Variants in PIGO observed in about 807,000 individuals in gnomAD.
PIGO encodes GPI ethanolamine phosphate transferase 3, catalytic subunit.
PIGO carries 66 observed loss-of-function variants against 86.9 expected under a neutral mutation model. The ratio of observed to expected loss-of-function variants is 0.76; its 90% CI spans 0.62 to 0.93. The LOEUF is 0.93. PIGO is among the 40% of genes least tolerant of loss of function. The pLI is 0.00. For synonymous variants in PIGO, 570 were observed against 556.4 expected (o/e 1.02, Z -0.34); for missense variants, 1,202 against 1,359.1 (o/e 0.88, Z 1.82).
intron 7 of PIGO, 200 bp from the exon 8 acceptor site, chr9:35,090,872 A>G (rs1587160634): frequency 1.6e-6 from 1 of 611,312 alleles, no homozygotes; most frequent in Non-Finnish European, 2.8e-6. Flanking sequence ...GCTTATCTGA[A>G]TCCTGCTATG....
chr9:35,090,552 C>T lies in PIGO; in HGVS notation c.2768G>A (p.Gly923Glu). Residue 923 changes from glycine (G) to glutamate (E), a missense_variant, in exon 8 of 11, where the codon GGA becomes GAA. Transcript: ENST00000378617. ...ACAGGAGCCATGACCCTCTGGGAAT[C>T]CCACGAAGGCTGCATGCCAATGGAT... ...PAIHWHAAFV[G>E]FPEGHGSCTW... The T allele has an allele frequency of 6.2e-7, 1 of 1,614,226 alleles. No individual in the cohort carries two copies. The highest frequency in any genetic ancestry group is 8.5e-7 in the Non-Finnish European group (1 of 1,180,042).
At position 35,092,339 on chromosome 9, in the gene PIGO, C is replaced by T; in HGVS notation, c.1548G>A (p.Val516=). ...LKLDLVLLGA[V]AAVSSFLPFL... Reference sequence around the variant, plus strand: ...AAGGGAGGAATGAGCTCACTGCAGCCACAGCCCCTAGAAGCACTAGATCTA... The same window carrying T: ...AAGGGAGGAATGAGCTCACTGCAGCTACAGCCCCTAGAAGCACTAGATCTA... The change falls in exon 7 of 11, where the codon GTG becomes GTA. Residue 516 remains valine (V), a synonymous_variant. Coordinates refer to ENST00000378617, the MANE Select transcript of PIGO (RefSeq NM_032634.4). 6.2e-7 allele frequency: 1 copy of T among 1,614,228 alleles called. No individual in the cohort carries two copies. Among genetic ancestry groups the T allele is most frequent in the Non-Finnish European group, 8.5e-7 (1 of 1,180,038 alleles).
Position 35,092,531 on chromosome 9 carries a change from C to G in PIGO, c.1356G>C (p.Ala452=), listed in dbSNP as rs759532728. 1.2e-5 allele frequency: 19 copies of G among 1,614,084 alleles called. No individual in the cohort carries two copies. The highest frequency in any genetic ancestry group is 1.7e-5 in the Admixed American group (1 of 60,014). The part of the protein sequence containing the change: ...SWARFSLVRM[A]GGTALLAASC... ...AAGCAGCCAAGAGAGCAGTACCCCC[C>G]GCCATGCGGACCAGAGAGAAACGAG... The change falls in exon 7 of 11, where the codon GCG becomes GCC. Residue 452 remains alanine (A), a synonymous_variant. Transcript: ENST00000378617.
At position 35,096,470 on chromosome 9, in the gene PIGO, T is replaced by C. The variant is rs1379377582; in HGVS notation, c.-317A>G. The C allele has an allele frequency of 6.6e-6, 1 of 152,248 alleles. No individual in the cohort carries two copies. Among genetic ancestry groups the C allele is most frequent in the African/African-American group, 2.4e-5 (1 of 41,436 alleles). The allele number at this position is 152,248 out of a possible 1,614,324, so 9.4% of individuals were successfully genotyped here. A position where few individuals can be genotyped will look rare whatever the true frequency, so the allele number is the denominator to read the frequency against. ...CACCCTAGCCGCGGTACTGAGCACC[T>C]TGGTTAGGAGCTGAGGGGAAGAGGG... is the stretch of plus-strand genomic sequence containing the variant. On this transcript the variant is annotated 5_prime_UTR_variant, in exon 1 of 11. Transcript: ENST00000378617.
chr9:35,092,289 C>A lies in PIGO; in HGVS notation c.1598G>T (p.Trp533Leu). The A allele has an allele frequency of 6.2e-7, 1 of 1,614,230 alleles. No individual in the cohort carries two copies. Among genetic ancestry groups the A allele is most frequent in the Admixed American group, 1.7e-5 (1 of 60,032 alleles). ...LPFLWKAWAG[W>L]GSKRPLATLF... is the part of the protein sequence containing the mutation. ...GGTTGCCAGGGGCCTCTTGGACCCC[C>A]AGCCAGCCCAGGCTTTCCACAGAAA... Residue 533 changes from tryptophan (W) to leucine (L), a missense_variant, in exon 7 of 11, where the codon TGG becomes TTG. Transcript: ENST00000378617.
In PIGO at chr9:35,096,448, C is replaced by T. The variant is rs1289018330; in HGVS notation, c.-295G>A. Reference sequence around the variant, plus strand: ...AACTACCCAGCCTCCCGCTGGGCACCCTAGCCGCGGTACTGAGCACCTTGG... The same window carrying T: ...AACTACCCAGCCTCCCGCTGGGCACTCTAGCCGCGGTACTGAGCACCTTGG... On this transcript the variant is annotated 5_prime_UTR_variant, in exon 1 of 11. Transcript: ENST00000378617. 1 of 152,332 alleles carries T rather than the reference C, an allele frequency of 6.6e-6. No individual in the cohort carries two copies. Among genetic ancestry groups the T allele is most frequent in the Non-Finnish European group, 1.5e-5 (1 of 68,126 alleles). The allele number at this position is 152,332 out of a possible 1,614,324, so 9.4% of individuals were successfully genotyped here.
At position 35,092,595 on chromosome 9, in the gene PIGO, A is replaced by G; in HGVS notation, c.1292T>C (p.Phe431Ser). Reference sequence around the variant, plus strand: ...GCACATGGCCCGAGCTCCCCGCAGGAACTGCTGCAGCTCAGCAATCACAGT... The same window carrying G: ...GCACATGGCCCGAGCTCCCCGCAGGGACTGCTGCAGCTCAGCAATCACAGT... Reference protein sequence around the residue: ...LPTVIAELQQFLRGARAMCIE... With the variant: ...LPTVIAELQQSLRGARAMCIE... The change falls in exon 7 of 11, where the codon TTC (phenylalanine) becomes TCC (serine). Residue 431 changes from phenylalanine to serine, a missense_variant. By Grantham distance (155) the Phe-to-Ser change is radical. Transcript: ENST00000378617. 1 of 1,614,258 alleles carries G rather than the reference A, an allele frequency of 6.2e-7. No individual in the cohort carries two copies. Among genetic ancestry groups the G allele is most frequent in the South Asian group, 1.1e-5 (1 of 91,090 alleles).
chr9:35,093,129 G>C lies in PIGO; in HGVS notation c.1020C>G (p.Ile340Met). The C allele has an allele frequency of 6.2e-7, 1 of 1,614,202 alleles. No homozygotes were observed. Among genetic ancestry groups the C allele is most frequent in the Non-Finnish European group, 8.5e-7 (1 of 1,180,024 alleles). The change falls in exon 6 of 11, where the codon ATC becomes ATG. Residue 340 changes from isoleucine (I) to methionine (M), a missense_variant. Transcript: ENST00000378617. ...LLGLPIPFGN[I>M]GEVMAELFSG... Reference sequence around the variant, plus strand: ...AGAATAGCTCAGCCATCACTTCCCCGATATTCCCAAATGGGATGGGCAGGC... The same window carrying C: ...AGAATAGCTCAGCCATCACTTCCCCCATATTCCCAAATGGGATGGGCAGGC...
chr9:35,090,853 C>T (rs181017555), intron 7 of PIGO, 181 bp from the exon 8 acceptor site: 12 of 655,410 alleles, frequency 1.8e-5, no homozygotes, highest in South Asian at 8.2e-5. Flanking sequence ...GGTACAAAAG[C>T]GCCATCAGGC....
chr9:35,092,406 G>A lies in PIGO; in HGVS notation c.1481C>T (p.Ala494Val), dbSNP rs1379371864. The A allele has an allele frequency of 1.2e-6, 2 of 1,614,250 alleles. No homozygotes were observed. The highest frequency in any genetic ancestry group is 1.3e-5 in the African/African-American group (1 of 75,068). ...LTPVAWGLVG[A>V]IAYAGLLGTI... ...TCCCAGGAGTCCAGCATACGCTATG[G>A]CCCCAACCAGGCCCCAGGCCACAGG... Residue 494 changes from alanine to valine, a missense_variant, in exon 7 of 11, where the codon GCC (alanine) becomes GTC (valine). Transcript: ENST00000378617.
At position 35,091,496 on chromosome 9, in the gene PIGO, G is replaced by A. The variant is rs1334474210; in HGVS notation, c.2391C>T (p.Val797=). 6.2e-7 allele frequency: 1 copy of A among 1,614,068 alleles called. No individual in the cohort carries two copies. Among genetic ancestry groups the A allele is most frequent in the Non-Finnish European group, 8.5e-7 (1 of 1,180,040 alleles). ...PTSQADLDYV[V]PQIYRHMQEE... ...CCTGCATGTGTCGGTAGATTTGAGGGACCACATAATCCAAGTCAGCTTGAG... is the reference window on the plus strand; with the variant it reads ...CCTGCATGTGTCGGTAGATTTGAGGAACCACATAATCCAAGTCAGCTTGAG... The change falls in exon 7 of 11, where the codon GTC becomes GTT. Residue 797 remains valine, a synonymous_variant. Transcript: ENST00000378617.
At position 35,090,641 on chromosome 9, in the gene PIGO, C is replaced by G. The variant is rs376154801; in HGVS notation, c.2679G>C (p.Ser893=). ...GPFTVPWQAV[S]AWALMATQTF... ...TCTGTGTGGCCATGAGGGCCCAAGC[C>G]GAGACTGCCTGCCATGGCACAGTAA... The change falls in exon 8 of 11, where the codon TCG becomes TCC. Residue 893 remains serine (S), a synonymous_variant. Transcript: ENST00000378617. 8 of 1,613,992 alleles carry G rather than the reference C, an allele frequency of 5.0e-6. 1 individual carries two copies. The highest frequency in any genetic ancestry group is 1.6e-4 in the Middle Eastern group (1 of 6,084).
rs771354621 is a variant in PIGO at position 35,089,095 on chromosome 9, C to T, written c.3267G>A (p.Arg1089=). 17 of 1,614,168 alleles carry T rather than the reference C, an allele frequency of 1.1e-5. No individual in the cohort carries two copies. Among genetic ancestry groups the T allele is most frequent in the Non-Finnish European group, 1.4e-5 (17 of 1,180,028 alleles). ...WFRQLFLAQQ[R] Reference sequence around the variant, plus strand: ...GTGCCAGTAATCACAGACTAGGCTACCTCTGCTGGGCCAGAAATAGCTGCC... The same window carrying T: ...GTGCCAGTAATCACAGACTAGGCTATCTCTGCTGGGCCAGAAATAGCTGCC... Residue 1089 remains arginine (R), a synonymous_variant, in exon 11 of 11, where the codon AGG becomes AGA. Coordinates refer to ENST00000378617, the MANE Select transcript of PIGO (RefSeq NM_032634.4).
intron 3 of PIGO, 22 bp from the exon 4 acceptor site, chr9:35,094,046 G>A: frequency 6.2e-7 from 1 of 1,609,588 alleles, no homozygotes; most frequent in Non-Finnish European, 8.5e-7. Context: ...AGAACACTGA[G>A]CACAGAAGAC....
At chr9:35,089,512 AG>A in intron 9 of PIGO, 62 bp from the exon 10 acceptor site, 1 of 1,609,642 alleles carries the variant, frequency 6.2e-7, no homozygotes, top group Non-Finnish European at 8.5e-7. Flanking sequence ...GAGCAAAAGG[AG>A]AGTTTCTATA....
In PIGO at chr9:35,089,230, A is replaced by G. The variant is rs374227554; in HGVS notation, c.3141-9T>C. The G allele has an allele frequency of 1.2e-6, 2 of 1,614,104 alleles. No individual in the cohort carries two copies. Among genetic ancestry groups the G allele is most frequent in the Admixed American group, 1.7e-5 (1 of 60,006 alleles). On this transcript the variant is annotated splice_polypyrimidine_tract_variant and intron_variant, in intron 10 of 10. Coordinates refer to ENST00000378617, the MANE Select transcript of PIGO (RefSeq NM_032634.4). ...CAGCCTCAAATATGAACCTGCAAAG[A>G]AAGGCGGAGAATCTCAGGCAACAGA...
intron 2 of PIGO, 50 bp from the exon 3 acceptor site, chr9:35,094,409 G>A (rs754881334): frequency 1.3e-6 from 2 of 1,567,906 alleles, no homozygotes; most frequent in South Asian, 2.4e-5. Context: ...GTCAGGGTTA[G>A]GAGAAAAGAG....
chr9:35,089,370 A>T lies in PIGO; in HGVS notation c.3140+10T>A, dbSNP rs559019565. 6.2e-7 allele frequency: 1 copy of T among 1,614,152 alleles called. No individual in the cohort carries two copies. Among genetic ancestry groups the T allele is most frequent in the East Asian group, 2.2e-5 (1 of 44,872 alleles). On this transcript the variant is annotated intron_variant, in intron 10 of 10. Coordinates refer to ENST00000378617, the MANE Select transcript of PIGO (RefSeq NM_032634.4). ...CCCACCACCTCTACTTCTCAAGCAA[A>T]TCTACTCACTTAGGGGCAAACACTT... is the stretch of plus-strand genomic sequence containing the variant.
Position 35,092,407 on chromosome 9 carries a change from C to A in PIGO, c.1480G>T (p.Ala494Ser), listed in dbSNP as rs1829471783. ...LTPVAWGLVG[A>S]IAYAGLLGTI... is the part of the protein sequence containing the mutation. ...CCCAGGAGTCCAGCATACGCTATGGCCCCAACCAGGCCCCAGGCCACAGGT... is the reference window on the plus strand; with the variant it reads ...CCCAGGAGTCCAGCATACGCTATGGACCCAACCAGGCCCCAGGCCACAGGT... Residue 494 changes from alanine to serine, a missense_variant, in exon 7 of 11, where the codon GCC becomes TCC. Coordinates refer to ENST00000378617, the MANE Select transcript of PIGO (RefSeq NM_032634.4). 6.2e-7 allele frequency: 1 copy of A among 1,614,112 alleles called. No homozygotes were observed. The highest frequency in any genetic ancestry group is 8.5e-7 in the Non-Finnish European group (1 of 1,180,046).
Sources: gnomAD v4.1 joint callset for allele counts on GRCh38, gnomAD v4.1.1 for gene constraint, MANE v1.5 for transcripts, NCBI Gene and HGNC (gene_info 2026-07-23, HGNC 2026-07-21) for gene names.